The following GPC3 variants were observed in gnomAD, a reference collection of about 807,000 sequenced individuals.
The protein encoded by GPC3 is glypican 3.
In GPC3, 3 loss-of-function variants were observed where a neutral mutation model predicts 34.4. The ratio of observed to expected loss-of-function variants is 0.09; its 90% CI spans 0.04 to 0.23. The LOEUF (loss-of-function observed/expected upper bound fraction) is 0.23. Ranked by LOEUF, GPC3 falls within the 10% of genes least tolerant of loss-of-function variation. GPC3 has a pLI of 1.00. For missense variants in GPC3, 351 were observed against 445.6 expected, an observed-to-expected ratio of 0.79 and a Z score of 1.91; for synonymous variants, 177 against 174.0, an observed-to-expected ratio of 1.02 and a Z score of -0.13.
At chrX:133,841,904 T>G (rs752521436) in intron 2 of GPC3, among the ~76,000 whole-genome samples, 26 of 112,500 alleles carry the variant, frequency 2.3e-4, no homozygotes, top group African/African-American at 7.7e-4. Flanking sequence ...GCTGAATGCT[T>G]CCTGCCCTCA....
chrX:133,888,890 C>A (rs1398155500), intron 2 of GPC3, among the ~76,000 whole-genome samples: 1 of 112,293 alleles, frequency 8.9e-6, no homozygotes, highest in Non-Finnish European at 1.9e-5. Context: ...CTCTTTGTGA[C>A]TGACTTCTGG....
At chrX:133,947,815 A>G (rs1036510633) in intron 2 of GPC3, among the ~76,000 whole-genome samples, 8 of 111,969 alleles carry the variant, frequency 7.1e-5, no homozygotes, top group Non-Finnish European at 1.5e-4. Flanking sequence ...TTGAGGATAT[A>G]TAACTTCACT....
chrX:133,953,949 T>A (rs2076404165), intron 1 of GPC3, among the ~76,000 whole-genome samples: 1 of 112,071 alleles, frequency 8.9e-6, no homozygotes, highest in Non-Finnish European at 1.9e-5. Flanking sequence ...GAAAACAAAC[T>A]GTGGTATATC....
At chrX:133,915,019 TATC>T (rs1273575014) in intron 2 of GPC3, among the ~76,000 whole-genome samples, 89 of 98,501 alleles carry the variant, frequency 9.0e-4, no homozygotes, top group African/African-American at 3.2e-3. Flanking sequence ...TTTTAACAAG[TATC>T]ATCATCTGGC....
At chrX:133,593,353 G>GAAAAAAAAAAAAA (rs1569391707) in intron 7 of GPC3, among the ~76,000 whole-genome samples, 3 of 58,157 alleles carry the variant, frequency 5.2e-5, no homozygotes, top group Non-Finnish European at 9.9e-5. Flanking sequence ...AAAAAAAAAA[G>GAAAAAAAAAAAAA]TAAAAAAAAA....
chrX:133,556,940 T>A (rs2069495251), intron 7 of GPC3, among the ~76,000 whole-genome samples: 1 of 109,214 alleles, frequency 9.2e-6, no homozygotes, highest in Admixed American at 9.7e-5. Context: ...AAAATAAAGA[T>A]TTTTTTTTGA....
chrX:133,581,498 A>C (rs2069730506), intron 7 of GPC3, among the ~76,000 whole-genome samples: 1 of 112,535 alleles, frequency 8.9e-6, no homozygotes, highest in Non-Finnish European at 1.9e-5. Flanking sequence ...AAAAAAAGGA[A>C]GTATGCATGT....
intron 2 of GPC3, among the ~76,000 whole-genome samples, chrX:133,896,450 T>C (rs184343869): frequency 1.8e-5 from 2 of 111,803 alleles, no homozygotes; most frequent in Non-Finnish European, 3.8e-5. Flanking sequence ...CTCTTTTCTT[T>C]GTTCTCCATC....
intron 2 of GPC3, among the ~76,000 whole-genome samples, chrX:133,846,496 A>G (rs902255416): frequency 5.4e-5 from 6 of 111,167 alleles, no homozygotes; most frequent in Non-Finnish European, 1.1e-4. Context: ...AGTATTCCCC[A>G]CTACTCTTTC....
intron 6 of GPC3, among the ~76,000 whole-genome samples, chrX:133,641,830 T>G (rs1422103253): frequency 1.8e-5 from 2 of 112,556 alleles, no homozygotes; most frequent in African/African-American, 6.5e-5. Context: ...AAGCTATTTT[T>G]TGAAATAAAG....
At chrX:133,890,683 C>T (rs900887307) in intron 2 of GPC3, among the ~76,000 whole-genome samples, 7 of 109,787 alleles carry the variant, frequency 6.4e-5, no homozygotes, top group African/African-American at 2.0e-4. Context: ...AATGGTGACA[C>T]CCTGTCACTA....
intron 2 of GPC3, among the ~76,000 whole-genome samples, chrX:133,939,895 T>C (rs984465079): frequency 9.0e-6 from 1 of 111,517 alleles, no homozygotes; most frequent in Non-Finnish European, 1.9e-5. Flanking sequence ...TATGCCTGGA[T>C]GGGATTTTGT....
At chrX:133,885,214 A>C (rs2076057195) in intron 2 of GPC3, among the ~76,000 whole-genome samples, 1 of 111,892 alleles carries the variant, frequency 8.9e-6, no homozygotes, top group African/African-American at 3.2e-5. Context: ...GTAACAATTC[A>C]CTGCAGCACT....
chrX:133,927,675 G>A (rs1209261836), intron 2 of GPC3, among the ~76,000 whole-genome samples: 2 of 108,402 alleles, frequency 1.8e-5, no homozygotes, highest in Non-Finnish European at 3.8e-5. Flanking sequence ...ACAGGGTCTC[G>A]CCATGTTGCC....
intron 2 of GPC3, among the ~76,000 whole-genome samples, chrX:133,790,898 A>C (rs1488699885): frequency 9.0e-6 from 1 of 111,661 alleles, no homozygotes; most frequent in Non-Finnish European, 1.9e-5. Flanking sequence ...GGAATTGGCT[A>C]CTCAAAGCTG....
intron 3 of GPC3, among the ~76,000 whole-genome samples, chrX:133,735,112 G>T (rs2071497778): frequency 9.0e-6 from 1 of 111,490 alleles, no homozygotes; most frequent in Admixed American, 9.5e-5. Flanking sequence ...TTGACAAGTT[G>T]CTCATAAAAT....
chrX:133,985,216 C>T, intron 1 of GPC3, 59 bp downstream of exon 1: 1 of 1,155,751 alleles, frequency 8.7e-7, no homozygotes, highest in East Asian at 3.0e-5. Context: ...AGGGTACAGC[C>T]ACCACGCGCG....
rs139824661 is a variant in GPC3 at position 133,609,428 on chromosome X, T to A, written c.1414-12829A>T. 9.7e-3 allele frequency among the ~76,000 whole-genome samples: 1,086 copies of A among 112,360 alleles called. 11 individuals are homozygous for A. The highest frequency in any genetic ancestry group is 0.033 in the African/African-American group (1,006 of 30,913). On this transcript the variant is annotated intron_variant, in intron 6 of 7. Coordinates refer to ENST00000370818, the MANE Select transcript of GPC3 (RefSeq NM_004484.4). ...AACAGTAGATGAAGGAATGTGAAATTGAACAGAACTGCTGGTATTTTCGAA... is the reference window on the plus strand; with the variant it reads ...AACAGTAGATGAAGGAATGTGAAATAGAACAGAACTGCTGGTATTTTCGAA...
chrX:133,614,449 T>C (rs1333829658), intron 6 of GPC3, among the ~76,000 whole-genome samples: 1 of 107,715 alleles, frequency 9.3e-6, no homozygotes, highest in East Asian at 2.9e-4. Flanking sequence ...GGCAGTGAGA[T>C]GACATTCAAA....
Sources: allele counts gnomAD v4.1 joint callset (sites outside exome capture counted in the v4.1 genomes callset), GRCh38; gene constraint gnomAD v4.1.1; transcripts MANE v1.5; gene names NCBI Gene and HGNC (gene_info 2026-07-23, HGNC 2026-07-21).